STK32C: variants seen among roughly 807,000 people sequenced by gnomAD.
STK32C encodes the protein serine/threonine-protein kinase 32C.
In STK32C, 31 loss-of-function variants were observed where a neutral mutation model predicts 56.5. The ratio of observed to expected loss-of-function variants is 0.55; its 90% confidence interval spans 0.41 to 0.74. STK32C has a LOEUF of 0.74. Among genes scored for constraint, STK32C ranks in the 30% least tolerant of loss-of-function variants. STK32C has a pLI of 0.00. For missense variants in STK32C, 544 were observed against 676.9 expected (o/e 0.80, Z 2.18); for synonymous variants, 309 against 289.4 (o/e 1.07, Z -0.69).
chr10:132,253,538 AGG>A (rs2063992754), intron 1 of STK32C, among the ~76,000 whole-genome samples: 1 of 90,440 alleles, frequency 1.1e-5, no homozygotes, highest in Non-Finnish European at 2.0e-5. Flanking sequence ...AGGGAGCTGG[AGG>A]GAGTCGAGGG....
downstream of STK32C, among the ~76,000 whole-genome samples, chr10:132,323,361 G>C (rs2066444123): frequency 6.6e-6 from 1 of 152,218 alleles, no homozygotes; most frequent in African/African-American, 2.4e-5. This position sits in a 1 kb window ranked among gnomAD's most constrained non-coding sequence, Gnocchi z 4.8. Flanking sequence ...TGTATGGACT[G>C]AATAGTGCCA....
chr10:132,327,600 C>T (rs1014852859), intron 1 of STK32C, among the ~76,000 whole-genome samples: 5 of 152,000 alleles, frequency 3.3e-5, no homozygotes, highest in Non-Finnish European at 7.4e-5. Flanking sequence ...CTTAGCCACC[C>T]GAGTACCTGG....
Position 132,224,531 on chromosome 10 carries a change from C to T in STK32C, c.877-8G>A, listed in dbSNP as rs374005311. On this transcript the variant is annotated splice_region_variant and splice_polypyrimidine_tract_variant and intron_variant, in intron 7 of 11. Coordinates refer to ENST00000298630, the MANE Select transcript of STK32C (RefSeq NM_173575.4). ...GTGGATGTCATAGGGCCTCTGGAGACAGGGAGGCAGTGCTGGGCAGGTCCT... is the reference window on the plus strand; with the variant it reads ...GTGGATGTCATAGGGCCTCTGGAGATAGGGAGGCAGTGCTGGGCAGGTCCT... 3 of 1,587,510 alleles carry T rather than the reference C, an allele frequency of 1.9e-6. No individual in the cohort carries two copies. Among genetic ancestry groups the T allele is most frequent in the African/African-American group, 2.7e-5 (2 of 74,628 alleles).
chr10:132,242,594 G>GC (rs1043919709), intron 2 of STK32C, among the ~76,000 whole-genome samples: 2 of 152,002 alleles, frequency 1.3e-5, no homozygotes, highest in Non-Finnish European at 2.9e-5. Flanking sequence ...AACCATCACA[G>GC]CCCCCGCTGC....
At position 132,222,729 on chromosome 10, in the gene STK32C, A is replaced by T; in HGVS notation, c.1163T>A (p.Met388Lys). The change falls in exon 10 of 12, where the codon ATG becomes AAG. Residue 388 changes from methionine to lysine, a missense_variant. Transcript: ENST00000298630. The part of the protein sequence containing the change: ...HCDPTFELEE[M>K]ILESRPLHKK... ...GTGCAGGGGCCTGGACTCCAGGATCATCTCCTCCAGCTCAAAGGTGGGGTC... is the reference window on the plus strand; with the variant it reads ...GTGCAGGGGCCTGGACTCCAGGATCTTCTCCTCCAGCTCAAAGGTGGGGTC... 2 of 1,610,366 alleles carry T rather than the reference A, an allele frequency of 1.2e-6. No homozygotes were observed. The highest frequency in any genetic ancestry group is 1.7e-6 in the Non-Finnish European group (2 of 1,178,572).
At position 132,222,902 on chromosome 10, in the gene STK32C, G is replaced by T. The variant is rs1249801890; in HGVS notation, c.1078C>A (p.His360Asn). 1.9e-6 allele frequency: 3 copies of T among 1,570,012 alleles called. No individual in the cohort carries two copies. Among genetic ancestry groups the T allele is most frequent in the Non-Finnish European group, 2.6e-6 (3 of 1,161,084 alleles). Residue 360 changes from histidine (H) to asparagine (N), a missense_variant, in exon 9 of 12, where the codon CAC (histidine) becomes AAC (asparagine). By Grantham distance (68) the His-to-Asn change is moderately conservative. Coordinates refer to ENST00000298630, the MANE Select transcript of STK32C (RefSeq NM_173575.4). Reference sequence around the variant, plus strand: ...GGCTCCACCCTCTTCTCGCTCAGGTGGTCCCACAGCACGCCGGCCAGCGCC... The same window carrying T: ...GGCTCCACCCTCTTCTCGCTCAGGTTGTCCCACAGCACGCCGGCCAGCGCC... ...APALAGVLWD[H>N]LSEKRVEPGF...
Position 132,268,379 on chromosome 10 carries a change from G to A in STK32C, c.263-22424C>T, listed in dbSNP as rs374593735. Among the ~76,000 whole-genome samples the A allele has an allele frequency of 8.9e-3, 1,306 of 146,148 alleles. 8 individuals are homozygous for A. Among genetic ancestry groups the A allele is most frequent in the Non-Finnish European group, 0.014 (951 of 66,654 alleles). On this transcript the variant is annotated intron_variant, in intron 1 of 11. Transcript: ENST00000298630. ...CAGCTCTATGCCTGTCTGTGTGCAT[G>A]CATGTCCCACATCGTGTGTGTGTCA... is the stretch of plus-strand genomic sequence containing the variant.
rs200300817 is a variant in STK32C, at chr10:132,225,570, G to A, written c.729C>T (p.Asp243=). The part of the protein sequence containing the change: ...TDFNIATIIK[D]GERATALAGT... ...CTGCTAATGCCGTCGCCCGCTCCCC[G>A]TCCTTGATGATGGTGGCAATGTTGA... Residue 243 remains aspartate, a synonymous_variant, in exon 6 of 12, where the codon GAC becomes GAT. Transcript: ENST00000298630. 8.5e-5 allele frequency: 137 copies of A among 1,613,790 alleles called. No individual in the cohort carries two copies. Among genetic ancestry groups the A allele is most frequent in the East Asian group, 3.1e-4 (14 of 44,882 alleles).
chr10:132,235,365 G>A (rs946926777), intron 2 of STK32C, among the ~76,000 whole-genome samples: 9 of 151,816 alleles, frequency 5.9e-5, no homozygotes, highest in African/African-American at 1.7e-4. Context: ...GTGTGGTGGC[G>A]TGTGCCTGTA....
chr10:132,227,093 C>T, intron 3 of STK32C, 125 bp from the exon 4 acceptor site: 1 of 1,150,124 alleles, frequency 8.7e-7, no homozygotes, highest in Non-Finnish European at 1.2e-6. Flanking sequence ...CAGGCATTCC[C>T]AGGAGGAGGG....
Position 132,255,247 on chromosome 10 carries a change from T to C in STK32C, c.263-9292A>G, listed in dbSNP as rs147961623. On this transcript the variant is annotated intron_variant, in intron 1 of 11. Coordinates refer to ENST00000298630, the MANE Select transcript of STK32C (RefSeq NM_173575.4). This position sits in a 1 kb window ranked among gnomAD's most constrained non-coding sequence, Gnocchi z 4.6. ...GCAGAGCTTGTGCAGCCTCTGGGGA[T>C]GTCTGGCCCACACGGGGCTCCTGAC... 0.011 allele frequency among the ~76,000 whole-genome samples: 1,725 copies of C among 152,154 alleles called. 51 individuals are homozygous for C. Among genetic ancestry groups the C allele is most frequent in the South Asian group, 0.088 (424 of 4,796 alleles).
rs575442385 is a variant in STK32C at position 132,254,437 on chromosome 10, C to T, written c.263-8482G>A. Among the ~76,000 whole-genome samples the T allele has an allele frequency of 3.9e-3, 587 of 151,042 alleles. 1 individual carries two copies. Among genetic ancestry groups the T allele is most frequent in the Non-Finnish European group, 4.8e-3 (323 of 67,598 alleles). On this transcript the variant is annotated intron_variant, in intron 1 of 11. Coordinates refer to ENST00000298630, the MANE Select transcript of STK32C (RefSeq NM_173575.4). ...AGAGTAAAATAAGCCTGCCGCAGGG[C>T]GCCGGGAATCAGCACTATGTCACCC...
At position 132,307,933 on chromosome 10, in the gene STK32C, C is replaced by T. The variant is rs2066130714; in HGVS notation, c.-100G>A. The T allele has an allele frequency of 9.3e-7, 1 of 1,072,494 alleles. No homozygotes were observed. The highest frequency in any genetic ancestry group is 1.1e-6 in the Non-Finnish European group (1 of 885,872). 66.4% of individuals were successfully genotyped at this position (1,072,494 alleles called of 1,614,324 possible). A position where few individuals can be genotyped will look rare whatever the true frequency, so the allele number is the denominator to read the frequency against. Reference sequence around the variant, plus strand: ...GCGGGAGCGCTCGGGGCCGGCAGCGCCCGCCGTGCGCTCTTCTGGGCGGTG... The same window carrying T: ...GCGGGAGCGCTCGGGGCCGGCAGCGTCCGCCGTGCGCTCTTCTGGGCGGTG... On this transcript the variant is annotated 5_prime_UTR_variant, in exon 1 of 12. Coordinates refer to ENST00000298630, the MANE Select transcript of STK32C (RefSeq NM_173575.4). This position sits in a 1 kb window ranked among gnomAD's most constrained non-coding sequence, Gnocchi z 4.4.
At chr10:132,284,692 G>A (rs1315458289) in intron 1 of STK32C, among the ~76,000 whole-genome samples, 1 of 151,154 alleles carries the variant, frequency 6.6e-6, no homozygotes. Context: ...TCCCACATCT[G>A]CCCAAAGACC....
chr10:132,208,608 C>T (rs2137545324), intron 11 of STK32C, among the ~76,000 whole-genome samples: 1 of 152,294 alleles, frequency 6.6e-6, no homozygotes, highest in Admixed American at 6.5e-5. Context: ...CTCCCTTGGG[C>T]CCCACCGTGG....
upstream of STK32C, among the ~76,000 whole-genome samples, chr10:132,309,810 A>G (rs2066186581): frequency 6.6e-6 from 1 of 152,194 alleles, no homozygotes; most frequent in Non-Finnish European, 1.5e-5. Flanking sequence ...CTGAACTTAC[A>G]TCATCGCCTC....
intron 1 of STK32C, among the ~76,000 whole-genome samples, chr10:132,316,767 T>C (rs888174369): frequency 5.9e-5 from 9 of 152,134 alleles, no homozygotes; most frequent in African/African-American, 2.2e-4. Flanking sequence ...TAAAGATACT[T>C]AAAAGAGTCC....
chr10:132,278,516 C>T (rs920270504), intron 1 of STK32C, among the ~76,000 whole-genome samples: 1 of 151,984 alleles, frequency 6.6e-6, no homozygotes, highest in Non-Finnish European at 1.5e-5. Flanking sequence ...AATCCCAGCA[C>T]TTTGAGAGGC....
intron 2 of STK32C, among the ~76,000 whole-genome samples, chr10:132,230,827 C>T (rs2063075949): frequency 6.6e-6 from 1 of 152,238 alleles, no homozygotes; most frequent in Admixed American, 6.5e-5. Context: ...ACCCAACCCT[C>T]TCCAGGCTCC....
Sources: allele counts gnomAD v4.1 joint callset (sites outside exome capture counted in the v4.1 genomes callset), GRCh38; gene constraint gnomAD v4.1.1; non-coding constraint Gnocchi (gnomAD v3.1); transcripts MANE v1.5; gene names NCBI Gene and HGNC (gene_info 2026-07-23, HGNC 2026-07-21).